Variants in GRAMD1C observed in about 807,000 individuals in gnomAD.
The protein encoded by GRAMD1C is protein Aster-C.
A neutral mutation model predicts 97.8 loss-of-function variants in GRAMD1C; 89 were observed. The observed-to-expected ratio is 0.91, with a 90% CI of 0.77 to 1.09. GRAMD1C has a LOEUF of 1.09. Among genes scored for constraint, GRAMD1C ranks in the 50% least tolerant of loss-of-function variants. The pLI is 0.00. For missense variants in GRAMD1C, 740 were observed against 766.4 expected (o/e 0.97, Z 0.41); for synonymous variants, 256 against 267.0 (o/e 0.96, Z 0.40).
In GRAMD1C at chr3:113,936,433, G is replaced by T; in HGVS notation, c.1624G>T (p.Asp542Tyr). 6.2e-7 allele frequency: 1 copy of T among 1,600,060 alleles called. No homozygotes were observed. Among genetic ancestry groups the T allele is most frequent in the Non-Finnish European group, 8.5e-7 (1 of 1,172,292 alleles). The stretch of plus-strand genomic sequence containing the variant: ...AGATGTGGGCTTAGGTGCCAAAGGG[G>T]ATATTACAGGTAGTTGTCACCTGGT... ...SGDVGLGAKGDITGKKKEMEN... is the reference protein window; with the variant it reads ...SGDVGLGAKGYITGKKKEMEN... The change falls in exon 14 of 18, where the codon GAT becomes TAT. Residue 542 changes from aspartate (D) to tyrosine (Y), a missense_variant. By Grantham distance (160) the Asp-to-Tyr change is radical. Transcript: ENST00000358160.
chr3:113,940,082 C>G, intron 16 of GRAMD1C, 86 bp downstream of exon 16: 1 of 893,614 alleles, frequency 1.1e-6, no homozygotes, highest in Non-Finnish European at 1.9e-6. Context: ...GTTTCAGAGA[C>G]TGTGGTCTGC....
chr3:113,934,339 T>G (rs1937536618), intron 12 of GRAMD1C, 93 bp from the exon 13 acceptor site: 1 of 673,816 alleles, frequency 1.5e-6, no homozygotes, highest in Non-Finnish European at 2.6e-6. Context: ...TCTTTTTGAC[T>G]TTCCACTGAA....
chr3:113,899,126 ATCTCTACTATT>A (rs1380837055), intron 6 of GRAMD1C, among the ~76,000 whole-genome samples: 1 of 152,146 alleles, frequency 6.6e-6, no homozygotes, highest in East Asian at 1.9e-4. Context: ...GTCTATATTT[ATCTCTACTATT>A]TCGCAACTTA....
At position 113,933,549 on chromosome 3, in the gene GRAMD1C, G is replaced by C; in HGVS notation, c.1248G>C (p.Leu416Phe). The C allele has an allele frequency of 3.1e-6, 5 of 1,610,268 alleles. No homozygotes were observed. The African/African-American group carries it at 5.3e-5, about 17-fold the overall frequency. ...YKESREARFY[L>F]VDSEVLTHDV... The stretch of plus-strand genomic sequence containing the variant: ...AAAGTCGGGAAGCACGATTTTATTT[G>C]GTAGATTCAGAAGTACTGACACATG... Residue 416 changes from leucine to phenylalanine, a missense_variant, in exon 12 of 18, where the codon TTG becomes TTC. Physicochemically the swap from Leu to Phe is conservative, Grantham distance 22 (BLOSUM62 0). Transcript: ENST00000358160.
chr3:113,884,400 T>C (rs900710502), intron 6 of GRAMD1C, among the ~76,000 whole-genome samples: 6 of 152,064 alleles, frequency 3.9e-5, no homozygotes, highest in African/African-American at 1.2e-4. Flanking sequence ...AGCAAATACT[T>C]TGGGTTAGAT....
chr3:113,880,187 C>CT (rs1427974720), intron 5 of GRAMD1C, among the ~76,000 whole-genome samples: 5 of 151,902 alleles, frequency 3.3e-5, no homozygotes, highest in African/African-American at 4.8e-5. Flanking sequence ...TATACCTTTT[C>CT]TTTTTTTTAA....
At position 113,946,676 on chromosome 3, in the gene GRAMD1C, A is replaced by ATC. The variant is rs1938101156; in HGVS notation, c.*1199_*1200insCT. On this transcript the variant is annotated 3_prime_UTR_variant, in exon 18 of 18. Transcript: ENST00000358160. ...AAAATACATATCCATCTATCTATCT[A>ATC]TATATAAACTGTGTATACATTCTTA... 6.6e-6 allele frequency: 1 copy of ATC among 152,202 alleles called. No individual in the cohort carries two copies. Among genetic ancestry groups the ATC allele is most frequent in the African/African-American group, 2.4e-5 (1 of 41,448 alleles). 9.4% of individuals were successfully genotyped at this position (152,202 alleles called of 1,614,324 possible).
Position 113,933,667 on chromosome 3 carries a change from C to T in GRAMD1C, c.1352+14C>T, listed in dbSNP as rs1218885931. ...ATGCAGGCTAAGGTGAGCTGCTGTA[C>T]ATGAATGTGTTAGGATAGGCTAGAT... On this transcript the variant is annotated intron_variant, in intron 12 of 17. Transcript: ENST00000358160. The T allele has an allele frequency of 3.2e-6, 5 of 1,582,922 alleles. No homozygotes were observed. The highest frequency in any genetic ancestry group is 4.3e-6 in the Non-Finnish European group (5 of 1,153,316).
intron 15 of GRAMD1C, 86 bp downstream of exon 15, chr3:113,938,229 AT>A: frequency 1.6e-6 from 1 of 622,166 alleles, no homozygotes; most frequent in East Asian, 3.3e-5. Flanking sequence ...GTATTTGTAT[AT>A]TATTGTGTAG....
At chr3:113,874,574 A>G (rs1233608884) in intron 3 of GRAMD1C, among the ~76,000 whole-genome samples, 1 of 152,154 alleles carries the variant, frequency 6.6e-6, no homozygotes, top group Non-Finnish European at 1.5e-5. Context: ...TGAACTTCAG[A>G]ACTCAAGTGA....
In GRAMD1C at chr3:113,911,216, A is replaced by G. The variant is rs568520600; in HGVS notation, c.952+2096A>G. On this transcript the variant is annotated intron_variant, in intron 9 of 17. Transcript: ENST00000358160. Reference sequence around the variant, plus strand: ...CACACGAGAGAGAGAGAGAGCATACATGAGCAAACTCTCTGGTATTTTTTT... The same window carrying G: ...CACACGAGAGAGAGAGAGAGCATACGTGAGCAAACTCTCTGGTATTTTTTT... Among the ~76,000 whole-genome samples the G allele has an allele frequency of 1.8e-4, 22 of 123,484 alleles. No homozygotes were observed. In the South Asian group the frequency reaches 5.1e-3, roughly 29 times the overall value. The allele number at this position is 123,484 out of a possible 152,430, so 81.0% of individuals were successfully genotyped here.
intron 6 of GRAMD1C, among the ~76,000 whole-genome samples, chr3:113,899,213 A>G (rs1936051580): frequency 6.6e-6 from 1 of 152,038 alleles, no homozygotes; most frequent in African/African-American, 2.4e-5. Flanking sequence ...ATGTTCATGT[A>G]TTTATTCTGT....
chr3:113,880,420 TTTTA>T (rs1190546214), intron 5 of GRAMD1C, among the ~76,000 whole-genome samples: 2 of 152,196 alleles, frequency 1.3e-5, no homozygotes, highest in Non-Finnish European at 2.9e-5. Context: ...CTCTCCTTTT[TTTTA>T]AAAAAACAAC....
At chr3:113,888,958 T>C (rs1421437862) in intron 6 of GRAMD1C, among the ~76,000 whole-genome samples, 2 of 152,218 alleles carry the variant, frequency 1.3e-5, no homozygotes, top group African/African-American at 4.8e-5. Flanking sequence ...TCCCAGACTT[T>C]GGGAGGCTGA....
rs1935314688 is a variant in GRAMD1C, at chr3:113,882,795, G to C, written c.503G>C (p.Ser168Thr). ...GGTGCCAGGGATAGAAGTTACCTCA[G>C]TATCTTTAGGTTGTGGCAGAATGTA... ...SFGARDRSYL[S>T]IFRLWQNVLL... Residue 168 changes from serine to threonine, a missense_variant, in exon 6 of 18, where the codon AGT (serine) becomes ACT (threonine). Coordinates refer to ENST00000358160, the MANE Select transcript of GRAMD1C (RefSeq NM_017577.5). 6.3e-7 allele frequency: 1 copy of C among 1,595,874 alleles called. No individual in the cohort carries two copies. The highest frequency in any genetic ancestry group is 1.7e-5 in the Admixed American group (1 of 59,942).
chr3:113,865,901 T>C (rs910710378), intron 2 of GRAMD1C, among the ~76,000 whole-genome samples: 1 of 152,192 alleles, frequency 6.6e-6, no homozygotes, highest in Non-Finnish European at 1.5e-5. Flanking sequence ...GCTCCAGTCC[T>C]TGTGTTGTTG....
chr3:113,828,943 A>C, intron 1 of GRAMD1C, among the ~76,000 whole-genome samples: 1 of 152,176 alleles, frequency 6.6e-6, no homozygotes, highest in East Asian at 1.9e-4. Context: ...TATCACCAGC[A>C]GTCCTTTAAT....
At chr3:113,943,045 T>TA (rs1006439519) in intron 17 of GRAMD1C, among the ~76,000 whole-genome samples, 7 of 152,196 alleles carry the variant, frequency 4.6e-5, no homozygotes, top group Non-Finnish European at 8.8e-5. Context: ...TTATGCCTTC[T>TA]AAAAAATCTC....
chr3:113,900,608 A>C (rs1462525245), intron 6 of GRAMD1C, among the ~76,000 whole-genome samples: 1 of 142,998 alleles, frequency 7.0e-6, no homozygotes, highest in Non-Finnish European at 1.5e-5. Context: ...TTTTTTTTTT[A>C]GTGGAGACCA....
Sources: allele counts gnomAD v4.1 joint callset (sites outside exome capture counted in the v4.1 genomes callset), GRCh38; gene constraint gnomAD v4.1.1; transcripts MANE v1.5; gene names NCBI Gene and HGNC (gene_info 2026-07-23, HGNC 2026-07-21).